The following PBX1 variants were observed in gnomAD, a reference collection of about 807,000 sequenced individuals.
PBX1 encodes pre-B-cell leukemia transcription factor 1.
PBX1 carries 6 observed loss-of-function variants against 53.4 expected under a neutral mutation model. That is an observed-to-expected ratio of 0.11 (90% CI 0.06 to 0.22). PBX1 has a LOEUF of 0.22. PBX1 is among the 10% of genes least tolerant of loss of function. The pLI is 1.00. For missense variants in PBX1, 251 were observed against 551.4 expected, an observed-to-expected ratio of 0.46 and a Z score of 5.46; for synonymous variants, 204 against 212.3, an observed-to-expected ratio of 0.96 and a Z score of 0.34.
chr1:164,843,412 T>G (rs1671403935), intron 8 of PBX1, among the ~76,000 whole-genome samples: 1 of 152,136 alleles, frequency 6.6e-6, no homozygotes, highest in Non-Finnish European at 1.5e-5. Context: ...AAGTCTCATT[T>G]TGCTCAGGCT....
At position 164,692,171 on chromosome 1, in the gene PBX1, A is replaced by G. The variant is rs115368698; in HGVS notation, c.266-100323A>G. Reference sequence around the variant, plus strand: ...ACATTATATGCTGTGGGAAATACAAAGTGTACGTAGACAGCTGGCTATAGG... The same window carrying G: ...ACATTATATGCTGTGGGAAATACAAGGTGTACGTAGACAGCTGGCTATAGG... On this transcript the variant is annotated intron_variant, in intron 2 of 8. Coordinates refer to ENST00000420696, the MANE Select transcript of PBX1 (RefSeq NM_002585.4). 9.2e-3 allele frequency among the ~76,000 whole-genome samples: 1,397 copies of G among 152,334 alleles called. 20 individuals are homozygous for G. The highest frequency in any genetic ancestry group is 0.032 in the African/African-American group (1,323 of 41,568).
downstream of PBX1, among the ~76,000 whole-genome samples, chr1:164,853,090 C>T (rs1260493774): frequency 6.6e-6 from 1 of 152,186 alleles, no homozygotes; most frequent in East Asian, 1.9e-4. Flanking sequence ...GTCATTGCCT[C>T]TCCTTGAAGT....
At chr1:164,884,025 C>T (rs769908582) in intron 2 of PBX1, among the ~76,000 whole-genome samples, 6 of 152,124 alleles carry the variant, frequency 3.9e-5, no homozygotes, top group Non-Finnish European at 7.4e-5. Flanking sequence ...GGTCAAATTA[C>T]GAGCATGCAG....
At chr1:164,831,109 C>A (rs544230048) in intron 8 of PBX1, among the ~76,000 whole-genome samples, 3 of 152,294 alleles carry the variant, frequency 2.0e-5, no homozygotes, top group Admixed American at 2.0e-4. Flanking sequence ...AATCACTATT[C>A]TCACCACCTA....
Position 164,609,656 on chromosome 1 carries a change from C to T in PBX1, c.265+46345C>T, listed in dbSNP as rs576839461. Among the ~76,000 whole-genome samples, 10 of 152,122 alleles carry T rather than the reference C, an allele frequency of 6.6e-5. 1 individual carries two copies. The highest frequency in any genetic ancestry group is 4.2e-4 in the South Asian group (2 of 4,808). ...GCTTTTTGAGCAAATCTGTGTGAGCCGCATGGATTTCATGAAATCACCTAA... is the reference window on the plus strand; with the variant it reads ...GCTTTTTGAGCAAATCTGTGTGAGCTGCATGGATTTCATGAAATCACCTAA... On this transcript the variant is annotated intron_variant, in intron 2 of 8. Transcript: ENST00000420696.
At chr1:164,811,885 C>A in intron 5 of PBX1, 105 bp from the exon 6 acceptor site, 1 of 751,446 alleles carries the variant, frequency 1.3e-6, no homozygotes. Flanking sequence ...AGGATAAGAC[C>A]AATTAGCTTA....
intron 2 of PBX1, among the ~76,000 whole-genome samples, chr1:164,589,216 A>T (rs571966847): frequency 3.2e-4 from 48 of 152,066 alleles, no homozygotes; most frequent in African/African-American, 1.1e-3. Flanking sequence ...CAACCACTGG[A>T]AGGAGGAGGG....
At chr1:164,575,905 A>T (rs112723138) in intron 2 of PBX1, among the ~76,000 whole-genome samples, 3 of 152,322 alleles carry the variant, frequency 2.0e-5, no homozygotes, top group African/African-American at 7.2e-5. Context: ...TGCGCGCAGC[A>T]CCAAGTATAA....
intron 2 of PBX1, among the ~76,000 whole-genome samples, chr1:164,724,923 CTGCAGACAAT>C (rs1269326917): frequency 6.6e-6 from 1 of 152,064 alleles, no homozygotes; most frequent in Non-Finnish European, 1.5e-5. Context: ...ACAATGTACT[CTGCAGACAAT>C]TGCTCGGATC....
chr1:164,864,740 G>A (rs755472730), intron 2 of PBX1, among the ~76,000 whole-genome samples: 18 of 152,192 alleles, frequency 1.2e-4, no homozygotes, highest in Non-Finnish European at 2.4e-4. Context: ...GGCAGTACCA[G>A]TGACCTTTTC....
chr1:164,649,772 T>A (rs1659679725), intron 2 of PBX1, among the ~76,000 whole-genome samples: 1 of 152,164 alleles, frequency 6.6e-6, no homozygotes, highest in South Asian at 2.1e-4. Context: ...GCTGGGTCTG[T>A]TCTAAGTTTG....
intron 2 of PBX1, among the ~76,000 whole-genome samples, chr1:164,574,314 C>T (rs1005817509): frequency 1.3e-5 from 2 of 152,182 alleles, no homozygotes; most frequent in Non-Finnish European, 2.9e-5. Context: ...TTGCTGGACC[C>T]TCTGCAGCCT....
chr1:164,865,103 TC>T (rs1163694359), intron 2 of PBX1, among the ~76,000 whole-genome samples: 2 of 152,202 alleles, frequency 1.3e-5, no homozygotes, highest in Admixed American at 6.5e-5. Context: ...ACTGACACAT[TC>T]CTCTGGAGCT....
chr1:164,559,731 A>G lies in PBX1; in HGVS notation c.-92A>G, dbSNP rs1571217019. 1.1e-6 allele frequency: 1 copy of G among 902,382 alleles called. No individual in the cohort carries two copies. The highest frequency in any genetic ancestry group is 1.6e-6 in the Non-Finnish European group (1 of 628,604). 55.9% of individuals were successfully genotyped at this position (902,382 alleles called of 1,614,324 possible). On this transcript the variant is annotated 5_prime_UTR_variant, in exon 1 of 9. Coordinates refer to ENST00000420696, the MANE Select transcript of PBX1 (RefSeq NM_002585.4). Reference sequence around the variant, plus strand: ...TGTTTATCCTGAAAAGGATTTGAAGACAAGCTTGAAGGATAAAAAGCCTTG... The same window carrying G: ...TGTTTATCCTGAAAAGGATTTGAAGGCAAGCTTGAAGGATAAAAAGCCTTG...
chr1:164,720,671 G>T (rs1247834992), intron 2 of PBX1, among the ~76,000 whole-genome samples: 1 of 152,188 alleles, frequency 6.6e-6, no homozygotes, highest in African/African-American at 2.4e-5. Flanking sequence ...CCTTCTGCCA[G>T]TGACCAAACC....
Position 164,612,453 on chromosome 1 carries a change from A to G in PBX1, c.265+49142A>G, listed in dbSNP as rs539575000. Among the ~76,000 whole-genome samples the G allele has an allele frequency of 5.3e-5, 8 of 152,184 alleles. No homozygotes were observed. The South Asian group carries it at 8.3e-4, about 16-fold the overall frequency. ...AGGCTAGCGTTTAGCCACCTCTCGTAGCTCTGGTTTCTCTGGCTCTGCTCG... is the reference window on the plus strand; with the variant it reads ...AGGCTAGCGTTTAGCCACCTCTCGTGGCTCTGGTTTCTCTGGCTCTGCTCG... On this transcript the variant is annotated intron_variant, in intron 2 of 8. Coordinates refer to ENST00000420696, the MANE Select transcript of PBX1 (RefSeq NM_002585.4).
At chr1:164,695,970 G>A (rs904471385) in intron 2 of PBX1, among the ~76,000 whole-genome samples, 1 of 152,316 alleles carries the variant, frequency 6.6e-6, no homozygotes, top group East Asian at 1.9e-4. Flanking sequence ...TGGAAGGTGT[G>A]CATTGATTGG....
At chr1:164,799,433 G>A (rs1668953803) in intron 3 of PBX1, among the ~76,000 whole-genome samples, 1 of 152,198 alleles carries the variant, frequency 6.6e-6, no homozygotes, top group South Asian at 2.1e-4. Context: ...GGGGCTTGCA[G>A]TGAGCCGATA....
At chr1:164,567,585 A>G (rs1209395121) in intron 2 of PBX1, among the ~76,000 whole-genome samples, 1 of 152,164 alleles carries the variant, frequency 6.6e-6, no homozygotes, top group Non-Finnish European at 1.5e-5. Context: ...TATATTATTT[A>G]TTTATTATAA....
Sources: allele counts gnomAD v4.1 joint callset (sites outside exome capture counted in the v4.1 genomes callset), GRCh38; gene constraint gnomAD v4.1.1; transcripts MANE v1.5; gene names NCBI Gene and HGNC (gene_info 2026-07-23, HGNC 2026-07-21).